The following TLN2 variants were observed in gnomAD, a reference collection of about 807,000 sequenced individuals.
The protein encoded by TLN2 is talin-2.
A neutral mutation model predicts 294.7 loss-of-function variants in TLN2; 118 were observed. The observed-to-expected ratio is 0.40, with a 90% CI of 0.34 to 0.47. The LOEUF is 0.47. Among genes scored for constraint, TLN2 ranks in the 20% least tolerant of loss-of-function variants. The probability of loss-of-function intolerance (pLI) is 0.84; values close to 1 mark genes in which losing one functional copy is unlikely to be tolerated. For missense variants in TLN2, 3,083 were observed against 3,282.2 expected, an observed-to-expected ratio of 0.94 and a Z score of 1.48; for synonymous variants, 1,431 against 1,304.5, an observed-to-expected ratio of 1.10 and a Z score of -2.09.
At chr15:62,741,534 T>A (rs2061319170) in intron 32 of TLN2, among the ~76,000 whole-genome samples, 1 of 152,146 alleles carries the variant, frequency 6.6e-6, no homozygotes, top group African/African-American at 2.4e-5. Flanking sequence ...AGTAGGGTGG[T>A]CATGATTCTG....
chr15:62,478,563 C>T (rs1002094660), intron 1 of TLN2, among the ~76,000 whole-genome samples: 1 of 152,142 alleles, frequency 6.6e-6, no homozygotes, highest in East Asian at 1.9e-4. Flanking sequence ...CTCCGCCAGG[C>T]TCAACCGGAA....
At chr15:62,437,263 A>G (rs1370078584) in intron 1 of TLN2, among the ~76,000 whole-genome samples, 3 of 152,224 alleles carry the variant, frequency 2.0e-5, no homozygotes, top group Non-Finnish European at 2.9e-5. Context: ...TGAGGAGCAC[A>G]TTCATCAATA....
At chr15:62,834,733 C>G (rs1280711837) in intron 55 of TLN2, 2 of 152,118 alleles carry the variant, frequency 1.3e-5, no homozygotes, top group African/African-American at 4.8e-5. Flanking sequence ...TCAGCAAGTT[C>G]TTGTTGGCTG....
At chr15:62,408,699 A>G (rs985735076) in intron 1 of TLN2, among the ~76,000 whole-genome samples, 3 of 152,182 alleles carry the variant, frequency 2.0e-5, no homozygotes, top group African/African-American at 4.8e-5. Context: ...TTGGATCACC[A>G]CCATCAGTAT....
At chr15:62,679,925 T>A (rs2056652570) in intron 11 of TLN2, among the ~76,000 whole-genome samples, 1 of 152,224 alleles carries the variant, frequency 6.6e-6, no homozygotes, top group Non-Finnish European at 1.5e-5. Context: ...CACCATTTGT[T>A]GAAAGTGCTA....
intron 1 of TLN2, among the ~76,000 whole-genome samples, chr15:62,549,758 G>C (rs1044488738): frequency 6.6e-6 from 1 of 152,178 alleles, no homozygotes; most frequent in Non-Finnish European, 1.5e-5. Context: ...TGTTTAAAAT[G>C]GGCTTAGGGA....
chr15:62,689,246 T>C (rs1327931699), intron 12 of TLN2, among the ~76,000 whole-genome samples: 3 of 152,146 alleles, frequency 2.0e-5, no homozygotes, highest in African/African-American at 7.2e-5. Flanking sequence ...TTTTCCCCCT[T>C]AAGTGTAGAA....
Position 62,647,258 on chromosome 15 carries a change from C to G in TLN2, c.-36-17C>G. ...TATTATCGTGAACATCAGGGTTTGT[C>G]TCTTTGTGTTTTCCAGACATTCTAA... is the stretch of plus-strand genomic sequence containing the variant. On this transcript the variant is annotated splice_polypyrimidine_tract_variant and intron_variant, in intron 3 of 58. Transcript: ENST00000636159. 2 of 1,576,146 alleles carry G rather than the reference C, an allele frequency of 1.3e-6. No homozygotes were observed. Among genetic ancestry groups the G allele is most frequent in the South Asian group, 1.2e-5 (1 of 86,546 alleles).
chr15:62,773,131 A>G (rs974490487), intron 42 of TLN2, among the ~76,000 whole-genome samples: 1 of 128,042 alleles, frequency 7.8e-6, no homozygotes, highest in African/African-American at 2.9e-5. Flanking sequence ...GCTCCCAGCC[A>G]TCAGAGATGG....
At chr15:62,710,604 C>T (rs2059361817) in intron 21 of TLN2, among the ~76,000 whole-genome samples, 1 of 151,884 alleles carries the variant, frequency 6.6e-6, no homozygotes, top group Non-Finnish European at 1.5e-5. Context: ...TTTTTGACAT[C>T]TTCCCTAAAG....
intron 1 of TLN2, among the ~76,000 whole-genome samples, chr15:62,498,537 G>A (rs1010322081): frequency 6.6e-6 from 1 of 152,064 alleles, no homozygotes; most frequent in African/African-American, 2.4e-5. Flanking sequence ...AGGGGCTGCT[G>A]GACAGTCTCT....
In TLN2 at chr15:62,716,329, AG is replaced by A; in HGVS notation, c.2638del. 1 of 1,591,278 alleles carries A rather than the reference AG, an allele frequency of 6.3e-7. No individual in the cohort carries two copies. On this transcript the variant is annotated splice_acceptor_variant, in intron 22 of 58. Coordinates refer to ENST00000636159, the MANE Select transcript of TLN2 (RefSeq NM_015059.3). LOFTEE classifies it high-confidence loss of function. ...TTGAAATCTTTATTTTTGCCTTTGCAGGGGGCTGCAGCCAACCCAGAGAATG... is the reference window on the plus strand; with the variant it reads ...TTGAAATCTTTATTTTTGCCTTTGCAGGGGCTGCAGCCAACCCAGAGAATG...
chr15:62,617,712 T>C (rs2048427365), intron 2 of TLN2, among the ~76,000 whole-genome samples: 1 of 152,210 alleles, frequency 6.6e-6, no homozygotes. Flanking sequence ...TGGCTCTCTT[T>C]TGGAGTTTCT....
At chr15:62,626,222 A>G (rs143657657) in intron 3 of TLN2, among the ~76,000 whole-genome samples, 111 of 152,330 alleles carry the variant, frequency 7.3e-4, no homozygotes, top group African/African-American at 7.7e-4. Flanking sequence ...TAGGTCACCA[A>G]TTCTATCTTG....
intron 2 of TLN2, among the ~76,000 whole-genome samples, chr15:62,598,097 G>A: frequency 6.6e-6 from 1 of 152,210 alleles, no homozygotes; most frequent in South Asian, 2.1e-4. Context: ...AGGACTTGAT[G>A]TCTTAGGCAC....
At chr15:62,688,403 G>A (rs1296176348) in intron 12 of TLN2, among the ~76,000 whole-genome samples, 1 of 152,038 alleles carries the variant, frequency 6.6e-6, no homozygotes, top group Non-Finnish European at 1.5e-5. Flanking sequence ...GAAATTTTAA[G>A]GTTTGTTTTT....
chr15:62,537,342 T>G (rs951307690), intron 1 of TLN2, among the ~76,000 whole-genome samples: 7 of 152,222 alleles, frequency 4.6e-5, no homozygotes, highest in Non-Finnish European at 1.5e-5. Flanking sequence ...AAAGGCGTTT[T>G]CTAAACAGGT....
At chr15:62,536,007 G>C (rs1317980056) in intron 1 of TLN2, among the ~76,000 whole-genome samples, 16 of 152,100 alleles carry the variant, frequency 1.1e-4, no homozygotes, top group Admixed American at 9.8e-4. Context: ...TTGGAGTTTT[G>C]CTCCTTGGAA....
chr15:62,499,653 G>A (rs986972190), intron 1 of TLN2, among the ~76,000 whole-genome samples: 2 of 152,140 alleles, frequency 1.3e-5, no homozygotes, highest in African/African-American at 4.8e-5. Context: ...CCAGGCTGGA[G>A]TGCGATGGCA....
Sources: gnomAD v4.1 joint callset for allele counts (sites outside exome capture counted in the v4.1 genomes callset) on GRCh38, gnomAD v4.1.1 for gene constraint, MANE v1.5 for transcripts, NCBI Gene and HGNC (gene_info 2026-07-23, HGNC 2026-07-21) for gene names.